Variants in BAZ1B observed in about 807,000 individuals in gnomAD.
The protein encoded by BAZ1B is tyrosine-protein kinase BAZ1B.
BAZ1B carries 22 observed loss-of-function variants against 153.8 expected under a neutral mutation model. The ratio of observed to expected loss-of-function variants is 0.14; its 90% confidence interval spans 0.10 to 0.20. BAZ1B has a LOEUF of 0.20. Among genes scored for constraint, BAZ1B ranks in the 10% least tolerant of loss-of-function variants. The pLI is 1.00. For missense variants in BAZ1B, 1,325 were observed against 1,799.3 expected (o/e 0.74, Z 4.77); for synonymous variants, 676 against 633.4 (o/e 1.07, Z -1.01).
rs781783517 is a variant in BAZ1B, at chr7:73,450,923, C to T, written c.3504G>A (p.Leu1168=). The change falls in exon 14 of 20, where the codon CTG becomes CTA. Residue 1168 remains leucine, a synonymous_variant. Coordinates refer to ENST00000339594, the MANE Select transcript of BAZ1B (RefSeq NM_032408.4). The surrounding 1 kb of genome is among the most constrained non-coding windows in gnomAD (Gnocchi z 4.1). ...EAQTFSRMHV[L]LGMLDACIKW... ...TGATACAGGCATCAAGCATCCCAAGCAGCACGTGCATCCTGGAGAAAGTCT... is the reference window on the plus strand; with the variant it reads ...TGATACAGGCATCAAGCATCCCAAGTAGCACGTGCATCCTGGAGAAAGTCT... 6.2e-7 allele frequency: 1 copy of T among 1,614,164 alleles called. No individual in the cohort carries two copies. Among genetic ancestry groups the T allele is most frequent in the Non-Finnish European group, 8.5e-7 (1 of 1,180,044 alleles).
At chr7:73,444,233 A>G (rs1208542205) in intron 16 of BAZ1B, 104 bp from the exon 17 acceptor site, 1 of 1,352,716 alleles carries the variant, frequency 7.4e-7, no homozygotes, top group Non-Finnish European at 9.9e-7. Flanking sequence ...TTCCTGGACA[A>G]GGAAAGCAGT....
intron 13 of BAZ1B, 144 bp downstream of exon 13, chr7:73,459,388 TTAAA>T: frequency 1.3e-6 from 1 of 795,154 alleles, no homozygotes; most frequent in Non-Finnish European, 1.9e-6. Context: ...TAGAAAGTGA[TTAAA>T]AAAAAAAAAA....
At chr7:73,445,444 A>G (rs538184700) in intron 16 of BAZ1B, among the ~76,000 whole-genome samples, 1 of 152,316 alleles carries the variant, frequency 6.6e-6, no homozygotes, top group South Asian at 2.1e-4. Context: ...AATACTTCCC[A>G]GATCCTTTTG....
At chr7:73,474,932 T>A (rs1299075280) in intron 7 of BAZ1B, among the ~76,000 whole-genome samples, 1 of 152,168 alleles carries the variant, frequency 6.6e-6, no homozygotes, top group African/African-American at 2.4e-5. Flanking sequence ...ATCTGAATAC[T>A]TCGCCAAAGA....
rs1329109645 is a variant in BAZ1B at position 73,450,023 on chromosome 7, C to T, written c.3581-334G>A. On this transcript the variant is annotated intron_variant, in intron 14 of 19. Coordinates refer to ENST00000339594, the MANE Select transcript of BAZ1B (RefSeq NM_032408.4). The surrounding 1 kb of genome is among the most constrained non-coding windows in gnomAD (Gnocchi z 4.1). Reference sequence around the variant, plus strand: ...TTCGACCTCCCCAAACGTTTCTCAACTTATGCCTGATGAGTGTTCTCTCTC... The same window carrying T: ...TTCGACCTCCCCAAACGTTTCTCAATTTATGCCTGATGAGTGTTCTCTCTC... Among the ~76,000 whole-genome samples the T allele has an allele frequency of 1.3e-5, 2 of 151,966 alleles. No homozygotes were observed. Among genetic ancestry groups the T allele is most frequent in the Non-Finnish European group, 2.9e-5 (2 of 67,988 alleles).
Position 73,512,028 on chromosome 7 carries a change from C to CAA in BAZ1B, c.108-1178_108-1177dup, listed in dbSNP as rs1168749967. On this transcript the variant is annotated intron_variant, in intron 1 of 19. Transcript: ENST00000339594. ...GGGTGATAAGAGCGAAACTCCACCT[C>CAA]AAAAAAAAAAAAAAAAAAAAAAAAA... Among the ~76,000 whole-genome samples, 303 of 34,738 alleles carry CAA rather than the reference C, an allele frequency of 8.7e-3. 27 individuals carry two copies. Among genetic ancestry groups the CAA allele is most frequent in the African/African-American group, 0.024 (195 of 8,136 alleles). The allele number at this position is 34,738 out of a possible 152,430, so 22.8% of individuals were successfully genotyped here.
chr7:73,444,227 T>TTGTCCA, intron 16 of BAZ1B, 98 bp from the exon 17 acceptor site: 1 of 1,382,456 alleles, frequency 7.2e-7, no homozygotes, highest in Non-Finnish European at 9.7e-7. Context: ...ATCCTTTTCC[T>TTGTCCA]GGACAAGGAA....
intron 7 of BAZ1B, among the ~76,000 whole-genome samples, chr7:73,475,875 G>A (rs190883942): frequency 7.3e-6 from 1 of 137,890 alleles, no homozygotes; most frequent in Non-Finnish European, 1.5e-5. Context: ...AGTGAGCCAA[G>A]ATCAAACCAT....
At chr7:73,452,952 AGTCT>A (rs1203138635) in intron 13 of BAZ1B, among the ~76,000 whole-genome samples, 2 of 152,218 alleles carry the variant, frequency 1.3e-5, no homozygotes, top group Non-Finnish European at 2.9e-5. Flanking sequence ...ACAATATATC[AGTCT>A]TTTCTATTTA....
rs868908668 is a variant in BAZ1B, at chr7:73,522,254, A to C, written c.-321T>G. 23 of 376,690 alleles carry C rather than the reference A, an allele frequency of 6.1e-5. No individual in the cohort carries two copies. Among genetic ancestry groups the C allele is most frequent in the African/African-American group, 4.4e-4 (21 of 47,654 alleles). The allele number at this position is 376,690 out of a possible 1,614,324, so 23.3% of individuals were successfully genotyped here. A position where few individuals can be genotyped will look rare whatever the true frequency, so the allele number is the denominator to read the frequency against. ...GAGGAAATTATTGAAAAATGGCGGG[A>C]GATTCCCCTCCTCCCCCGGGCCCGG... On this transcript the variant is annotated 5_prime_UTR_variant, in exon 1 of 20. Transcript: ENST00000339594.
chr7:73,503,251 T>C (rs973868436), intron 3 of BAZ1B, among the ~76,000 whole-genome samples: 1 of 152,218 alleles, frequency 6.6e-6, no homozygotes, highest in African/African-American at 2.4e-5. Context: ...AGTTTTTTTC[T>C]TTATTAATCT....
chr7:73,466,259 G>T, intron 10 of BAZ1B, 37 bp downstream of exon 10: 1 of 1,460,330 alleles, frequency 6.8e-7, no homozygotes, highest in Non-Finnish European at 9.6e-7. Flanking sequence ...CAATTAAAAG[G>T]AAAAAGAAAG....
chr7:73,464,682 CTAAA>C (rs1554570920), intron 11 of BAZ1B, among the ~76,000 whole-genome samples: 2 of 152,102 alleles, frequency 1.3e-5, no homozygotes, highest in Non-Finnish European at 2.9e-5. Context: ...CTTTTTGTGG[CTAAA>C]TAATATTCCA....
chr7:73,456,036 A>G (rs1254780752), intron 13 of BAZ1B, among the ~76,000 whole-genome samples: 1 of 152,194 alleles, frequency 6.6e-6, no homozygotes, highest in African/African-American at 2.4e-5. Flanking sequence ...CTTACCTCTC[A>G]TTTTATTTAC....
At chr7:73,454,748 C>CCT (rs1212329278) in intron 13 of BAZ1B, among the ~76,000 whole-genome samples, 2 of 152,174 alleles carry the variant, frequency 1.3e-5, no homozygotes, top group Admixed American at 1.3e-4. Flanking sequence ...CCTGGGTATC[C>CCT]CTCACAGTGA....
chr7:73,512,579 T>C (rs1554578745), intron 1 of BAZ1B, among the ~76,000 whole-genome samples: 1 of 152,188 alleles, frequency 6.6e-6, no homozygotes, highest in Non-Finnish European at 1.5e-5. Context: ...AAGTTGGTAG[T>C]GTAAATATGG....
At chr7:73,479,965 C>G (rs782558624) in intron 6 of BAZ1B, among the ~76,000 whole-genome samples, 2 of 151,968 alleles carry the variant, frequency 1.3e-5, no homozygotes, top group Non-Finnish European at 2.9e-5. Flanking sequence ...GTCAGGAGAT[C>G]GAGACCATCC....
intron 3 of BAZ1B, among the ~76,000 whole-genome samples, chr7:73,507,481 G>C (rs1294754054): frequency 6.6e-6 from 1 of 152,120 alleles, no homozygotes; most frequent in Non-Finnish European, 1.5e-5. Flanking sequence ...CCAGGAGGTA[G>C]AGGTTGCAAT....
rs548404271 is a variant in BAZ1B at position 73,452,152 on chromosome 7, GT to G, written c.3433-1159del. Among the ~76,000 whole-genome samples the G allele has an allele frequency of 3.2e-4, 48 of 152,042 alleles. 1 individual carries two copies. The East Asian group carries it at 8.7e-3, about 28-fold the overall frequency. ...TTTGGGAATAGGCTTATTTAACCTC[GT>G]TTTTTTAAAAAACAGATTTTAAATA... On this transcript the variant is annotated intron_variant, in intron 13 of 19. Transcript: ENST00000339594.
Sources: allele counts gnomAD v4.1 joint callset (sites outside exome capture counted in the v4.1 genomes callset), GRCh38; gene constraint gnomAD v4.1.1; non-coding constraint Gnocchi (gnomAD v3.1); transcripts MANE v1.5; gene names NCBI Gene and HGNC (gene_info 2026-07-23, HGNC 2026-07-21).